The following NRG3 variants were observed in gnomAD, a reference collection of about 807,000 sequenced individuals.
The protein encoded by NRG3 is neuregulin 3, also known as pro-neuregulin-3, membrane-bound isoform.
A neutral mutation model predicts 66.9 loss-of-function variants in NRG3; 31 were observed. The observed-to-expected ratio is 0.46, with a 90% CI of 0.35 to 0.63. NRG3 has a LOEUF of 0.63. Ranked by LOEUF, NRG3 falls within the 20% of genes least tolerant of loss-of-function variation. The probability of loss-of-function intolerance (pLI) is 0.00; values close to 1 mark genes in which losing one functional copy is unlikely to be tolerated. For synonymous variants in NRG3, 393 were observed against 359.4 expected, an observed-to-expected ratio of 1.09 and a Z score of -1.06; for missense variants, 910 against 878.9, an observed-to-expected ratio of 1.04 and a Z score of -0.45.
intron 2 of NRG3, among the ~76,000 whole-genome samples, chr10:82,565,142 A>T (rs2045315412): frequency 6.6e-6 from 1 of 152,158 alleles, no homozygotes; most frequent in Non-Finnish European, 1.5e-5. Flanking sequence ...ATATGAACAT[A>T]TGGCAAACTA....
intron 1 of NRG3, among the ~76,000 whole-genome samples, chr10:82,318,398 C>G (rs1482605477): frequency 6.6e-6 from 1 of 152,130 alleles, no homozygotes; most frequent in Non-Finnish European, 1.5e-5. Context: ...AAACACCATA[C>G]ACAGAGGAAA....
At chr10:82,973,307 T>C (rs1851938436) in intron 6 of NRG3, among the ~76,000 whole-genome samples, 1 of 152,226 alleles carries the variant, frequency 6.6e-6, no homozygotes, top group South Asian at 2.1e-4. Context: ...GGTAACAAGC[T>C]GAAAGAGAAA....
chr10:82,102,093 CATAT>C (rs377044331), intron 1 of NRG3, among the ~76,000 whole-genome samples: 2 of 109,182 alleles, frequency 1.8e-5, no homozygotes, highest in Non-Finnish European at 3.5e-5. Flanking sequence ...TATGTGTATT[CATAT>C]ATATATATGT....
At chr10:82,502,897 A>G (rs1844330311) in intron 2 of NRG3, among the ~76,000 whole-genome samples, 1 of 152,226 alleles carries the variant, frequency 6.6e-6, no homozygotes, top group Admixed American at 6.5e-5. Flanking sequence ...TGAAATGCAC[A>G]TATTTTAGAT....
intron 2 of NRG3, among the ~76,000 whole-genome samples, chr10:82,623,455 A>G (rs1195955915): frequency 6.6e-6 from 1 of 151,966 alleles, no homozygotes; most frequent in Non-Finnish European, 1.5e-5. Flanking sequence ...TGTTCCCAGG[A>G]TTTTCAGATT....
intron 4 of NRG3, among the ~76,000 whole-genome samples, chr10:82,941,002 A>G (rs766351932): frequency 6.6e-6 from 1 of 152,118 alleles, no homozygotes; most frequent in Non-Finnish European, 1.5e-5. Context: ...TAACAGTGGG[A>G]GTTTCAAGTA....
chr10:82,081,150 A>G (rs1425852165), intron 1 of NRG3, among the ~76,000 whole-genome samples: 1 of 152,202 alleles, frequency 6.6e-6, no homozygotes, highest in Admixed American at 6.5e-5. Flanking sequence ...TATAGACATG[A>G]ATATTTGATG....
At chr10:82,023,732 C>G (rs868407046) in intron 1 of NRG3, among the ~76,000 whole-genome samples, 1 of 151,832 alleles carries the variant, frequency 6.6e-6, no homozygotes, top group South Asian at 2.1e-4. Flanking sequence ...ATTTTTTTAA[C>G]GTGTTATTGA....
intron 1 of NRG3, among the ~76,000 whole-genome samples, chr10:82,083,296 A>C (rs960748286): frequency 6.6e-6 from 1 of 151,860 alleles, no homozygotes; most frequent in Non-Finnish European, 1.5e-5. Context: ...TATAAGTAAT[A>C]TACATAATTG....
chr10:82,378,863 G>A (rs903243068), intron 2 of NRG3, among the ~76,000 whole-genome samples: 1 of 152,142 alleles, frequency 6.6e-6, no homozygotes, highest in East Asian at 1.9e-4. Context: ...GAGCCGCCGC[G>A]CCTGGCTGCT....
chr10:82,866,764 C>T (rs1202128133), intron 4 of NRG3, among the ~76,000 whole-genome samples: 1 of 152,068 alleles, frequency 6.6e-6, no homozygotes, highest in African/African-American at 2.4e-5. Flanking sequence ...AGATTATAGT[C>T]ATATGGCAGA....
chr10:81,939,235 A>G (rs1261386786), intron 1 of NRG3, among the ~76,000 whole-genome samples: 7 of 151,860 alleles, frequency 4.6e-5, no homozygotes, highest in Non-Finnish European at 2.9e-5. Context: ...GTTTTATTTT[A>G]TGGTAGTTTC....
intron 1 of NRG3, among the ~76,000 whole-genome samples, chr10:82,289,540 C>T (rs183379731): frequency 4.0e-4 from 61 of 152,316 alleles, no homozygotes; most frequent in African/African-American, 1.3e-3. Context: ...CTCTTGCTCT[C>T]TTGCATTCAC....
At chr10:82,443,690 G>T (rs369130304) in intron 2 of NRG3, among the ~76,000 whole-genome samples, 1 of 152,158 alleles carries the variant, frequency 6.6e-6, no homozygotes, top group Non-Finnish European at 1.5e-5. Context: ...GTCAATCAAA[G>T]TATATGCAAA....
intron 2 of NRG3, among the ~76,000 whole-genome samples, chr10:82,648,796 G>T (rs1243311321): frequency 2.0e-5 from 3 of 152,058 alleles, no homozygotes; most frequent in Non-Finnish European, 4.4e-5. Flanking sequence ...CTCATGATTT[G>T]GCTCTCTGTT....
intron 1 of NRG3, chr10:81,889,734 A>AT (rs1842879104): frequency 6.6e-6 from 1 of 152,182 alleles, no homozygotes; most frequent in Non-Finnish European, 1.5e-5. Context: ...TGCTTGGAAT[A>AT]TTTTTAGTTT....
In NRG3 at chr10:81,890,724, T is replaced by G. The variant is rs114243927; in HGVS notation, c.823+14561T>G. Among the ~76,000 whole-genome samples the G allele has an allele frequency of 9.0e-3, 1,376 of 152,328 alleles. 19 individuals are homozygous for G. The highest frequency in any genetic ancestry group is 0.032 in the African/African-American group (1,313 of 41,572). On this transcript the variant is annotated intron_variant, in intron 1 of 8. Transcript: ENST00000372141. ...GTTAGGGTTTGAAGACTTTAATTGC[T>G]AGCTACAGAGTGTCTTTATGTATTG... is the stretch of plus-strand genomic sequence containing the variant.
intron 2 of NRG3, among the ~76,000 whole-genome samples, chr10:82,586,910 AT>A (rs751982450): frequency 6.6e-6 from 1 of 152,000 alleles, no homozygotes; most frequent in Non-Finnish European, 1.5e-5. Context: ...TGATCTGTTG[AT>A]TTTTTCATGC....
At chr10:82,495,395 A>G (rs1843527037) in intron 2 of NRG3, among the ~76,000 whole-genome samples, 1 of 152,094 alleles carries the variant, frequency 6.6e-6, no homozygotes, top group African/African-American at 2.4e-5. Context: ...CAGATCTTAC[A>G]GTTCAGCAAA....
Sources: gnomAD v4.1 joint callset for allele counts (sites outside exome capture counted in the v4.1 genomes callset) on GRCh38, gnomAD v4.1.1 for gene constraint, MANE v1.5 for transcripts, NCBI Gene and HGNC (gene_info 2026-07-23, HGNC 2026-07-21) for gene names.